Variants in CIBAR1 observed in about 807,000 individuals in gnomAD.
CIBAR1 encodes the protein CBY1-interacting BAR domain-containing protein 1.
A neutral mutation model predicts 44.0 loss-of-function variants in CIBAR1; 25 were observed. The ratio of observed to expected loss-of-function variants is 0.57; its 90% CI spans 0.41 to 0.79. The LOEUF is 0.79. Ranked by LOEUF, CIBAR1 falls within the 30% of genes least tolerant of loss-of-function variation. CIBAR1 has a pLI of 0.00. For synonymous variants in CIBAR1, 115 were observed against 119.0 expected, an observed-to-expected ratio of 0.97 and a Z score of 0.22; for missense variants, 278 against 344.8, an observed-to-expected ratio of 0.81 and a Z score of 1.53.
At chr8:93,714,424 C>T (rs1431194241) in intron 6 of CIBAR1, among the ~76,000 whole-genome samples, 5 of 152,166 alleles carry the variant, frequency 3.3e-5, no homozygotes, top group African/African-American at 1.2e-4. Context: ...TAAATGCAAA[C>T]TCCCATAACC....
In CIBAR1 at chr8:93,701,435, C is replaced by T; in HGVS notation, c.238C>T (p.Leu80Phe). Residue 80 changes from leucine to phenylalanine, a missense_variant, in exon 2 of 9, where the codon CTT becomes TTT. Physicochemically the swap from Leu to Phe is conservative, Grantham distance 22. Coordinates refer to ENST00000518322, the MANE Select transcript of CIBAR1 (RefSeq NM_145269.5). ...LMNFADEFAK[L>F]QDYRQAEVER... is the part of the protein sequence containing the mutation. Reference sequence around the variant, plus strand: ...GAACTTTGCAGATGAGTTTGCCAAACTTCAGGATTATCGACAAGCAGAGGT... The same window carrying T: ...GAACTTTGCAGATGAGTTTGCCAAATTTCAGGATTATCGACAAGCAGAGGT... 6.2e-7 allele frequency: 1 copy of T among 1,613,548 alleles called. No homozygotes were observed. The highest frequency in any genetic ancestry group is 8.5e-7 in the Non-Finnish European group (1 of 1,179,794).
rs752903152 is a variant in CIBAR1, at chr8:93,709,854, G to A, written c.522G>A (p.Arg174=). 5 of 1,611,522 alleles carry A rather than the reference G, an allele frequency of 3.1e-6. No homozygotes were observed. In the South Asian group the frequency reaches 4.4e-5, roughly 14 times the overall value. Residue 174 remains arginine (R), a synonymous_variant, in exon 6 of 9, where the codon AGG becomes AGA. Transcript: ENST00000518322. ...HLEETINNFE[R]QKMKDIKTIF... ...AGGAAACTATTAACAACTTTGAAAG[G>A]CAGAAAATGAAGGATATAAAGGTAA...
intron 8 of CIBAR1, 38 bp from the exon 9 acceptor site, chr8:93,728,167 A>T (rs1586302441): frequency 7.6e-7 from 1 of 1,320,210 alleles, no homozygotes; most frequent in Non-Finnish European, 1.0e-6. Context: ...TTTTTAAGTT[A>T]GTATTTTTAT....
At chr8:93,704,063 CAAAAA>C (rs1332935389) in intron 3 of CIBAR1, among the ~76,000 whole-genome samples, 1 of 118,874 alleles carries the variant, frequency 8.4e-6, no homozygotes, top group South Asian at 2.6e-4. Context: ...GACTCTGTCT[CAAAAA>C]AAAAAAAAGA....
In CIBAR1 at chr8:93,708,014, CAGGT is replaced by C. The variant is rs1201498535; in HGVS notation, c.437_438+2del. On this transcript the variant is annotated splice_donor_variant and coding_sequence_variant, in exon 5 of 9. Transcript: ENST00000518322. LOFTEE classifies it high-confidence loss of function. Reference sequence around the variant, plus strand: ...TTTCCTTTATGAAAAATTTCAGTCACAGGTGGGTAATAAAGTGGTGTGTCAAGAA... The same window carrying C: ...TTTCCTTTATGAAAAATTTCAGTCACGGGTAATAAAGTGGTGTGTCAAGAA... The C allele has an allele frequency of 6.4e-7, 1 of 1,566,510 alleles. No individual in the cohort carries two copies. The highest frequency in any genetic ancestry group is 2.3e-5 in the East Asian group (1 of 44,122).
At chr8:93,726,024 A>T (rs189592925) in intron 7 of CIBAR1, 131 of 183,478 alleles carry the variant, frequency 7.1e-4, no homozygotes, top group Non-Finnish European at 1.2e-3. Flanking sequence ...TGCAGAGTTA[A>T]ATTGGTAAGA....
Position 93,729,520 on chromosome 8 carries a change from T to C in CIBAR1, c.*1223T>C, listed in dbSNP as rs1356852595. 6.6e-6 allele frequency: 1 copy of C among 152,102 alleles called. No individual in the cohort carries two copies. Among genetic ancestry groups the C allele is most frequent in the Non-Finnish European group, 1.5e-5 (1 of 67,984 alleles). The allele number at this position is 152,102 out of a possible 1,614,324, so 9.4% of individuals were successfully genotyped here. ...TTCTCTTGAGCATTATTTGCCTTGT[T>C]TGTAAAGTTAAAACTGCGTAAAACA... is the stretch of plus-strand genomic sequence containing the variant. On this transcript the variant is annotated 3_prime_UTR_variant, in exon 9 of 9. Transcript: ENST00000518322.
chr8:93,726,326 G>A, intron 7 of CIBAR1, 68 bp from the exon 8 acceptor site: 2 of 1,364,146 alleles, frequency 1.5e-6, no homozygotes, highest in Non-Finnish European at 2.0e-6. Flanking sequence ...CTTAACTAAG[G>A]AACTTAATTT....
intron 4 of CIBAR1, chr8:93,706,255 C>T (rs1810577497): frequency 6.6e-6 from 1 of 152,168 alleles, no homozygotes; most frequent in Non-Finnish European, 1.5e-5. Context: ...TGGGAGTGCC[C>T]ACTGGAGACT....
rs113422871 is a variant in CIBAR1, at chr8:93,717,756, T to C, written c.544-919T>C. Among the ~76,000 whole-genome samples the C allele has an allele frequency of 7.1e-3, 1,074 of 152,330 alleles. 23 individuals carry two copies. The highest frequency in any genetic ancestry group is 0.025 in the African/African-American group (1,039 of 41,570). On this transcript the variant is annotated intron_variant, in intron 6 of 8. Transcript: ENST00000518322. ...ATCCATGCTTGAGTATTTTCTGCCT[T>C]GTTCTTATTCAGCCCAGTTCTCTCT...
intron 2 of CIBAR1, 183 bp downstream of exon 2, chr8:93,701,641 C>T (rs778288979): frequency 3.5e-5 from 22 of 621,942 alleles, no homozygotes; most frequent in Non-Finnish European, 5.3e-5. Context: ...TTTATTTTAC[C>T]CTTTTCAAGC....
intron 8 of CIBAR1, 24 bp from the exon 9 acceptor site, chr8:93,728,181 A>C (rs768128451): frequency 1.4e-6 from 2 of 1,433,792 alleles, no homozygotes; most frequent in Non-Finnish European, 1.9e-6. Context: ...TTTTTATTTT[A>C]AAAAGTGTGT....
chr8:93,714,817 A>G, intron 6 of CIBAR1, among the ~76,000 whole-genome samples: 1 of 152,160 alleles, frequency 6.6e-6, no homozygotes, highest in Admixed American at 6.5e-5. Context: ...CAATAGTCAG[A>G]TATTACCATG....
chr8:93,720,115 C>A (rs1811201536), intron 7 of CIBAR1: 1 of 152,338 alleles, frequency 6.6e-6, no homozygotes, highest in Admixed American at 6.5e-5. Context: ...TACCTAGTAG[C>A]TGGGATTACA....
In CIBAR1 at chr8:93,724,617, C is replaced by T. The variant is rs751121427; in HGVS notation, c.658-1777C>T. On this transcript the variant is annotated intron_variant, in intron 7 of 8. Coordinates refer to ENST00000518322, the MANE Select transcript of CIBAR1 (RefSeq NM_145269.5). ...TCAGGTGAGAAATTTAGGGAGAATG[C>T]CCAGGCTTATAGTTTGGTCTTCTAG... 17 of 1,246,546 alleles carry T rather than the reference C, an allele frequency of 1.4e-5. No homozygotes were observed. The South Asian group carries it at 1.8e-4, about 13-fold the overall frequency. 77.2% of individuals were successfully genotyped at this position (1,246,546 alleles called of 1,614,324 possible). A position where few individuals can be genotyped will look rare whatever the true frequency, so the allele number is the denominator to read the frequency against.
intron 7 of CIBAR1, chr8:93,720,158 A>G (rs1471878298): frequency 6.6e-6 from 1 of 151,900 alleles, no homozygotes; most frequent in African/African-American, 2.4e-5. Context: ...TAATTTTTCT[A>G]TTTTTAGTAG....
At chr8:93,709,976 C>T (rs979949210) in intron 6 of CIBAR1, 101 bp downstream of exon 6, 22 of 819,594 alleles carry the variant, frequency 2.7e-5, no homozygotes, top group Non-Finnish European at 3.9e-5. Flanking sequence ...CATAATACCC[C>T]TTATAAAGAA....
chr8:93,711,447 A>G (rs1048092808), intron 6 of CIBAR1, among the ~76,000 whole-genome samples: 3 of 152,178 alleles, frequency 2.0e-5, no homozygotes, highest in East Asian at 3.9e-4. Context: ...TCTGAGCTCA[A>G]TTTAGTCACA....
intron 8 of CIBAR1, chr8:93,727,257 C>A: frequency 8.8e-7 from 1 of 1,139,340 alleles, no homozygotes; most frequent in Non-Finnish European, 1.2e-6. Flanking sequence ...AAATTTGATA[C>A]CATACTTTCT....
Sources: allele counts gnomAD v4.1 joint callset (sites outside exome capture counted in the v4.1 genomes callset), GRCh38; gene constraint gnomAD v4.1.1; transcripts MANE v1.5; gene names NCBI Gene and HGNC (gene_info 2026-07-23, HGNC 2026-07-21).